The following LAMA2 variants were observed in gnomAD, a reference collection of about 807,000 sequenced individuals.
LAMA2 encodes laminin subunit alpha 2.
A neutral mutation model predicts 364.8 loss-of-function variants in LAMA2; 269 were observed. The observed-to-expected ratio is 0.74, with a 90% CI of 0.67 to 0.82. LAMA2 has a LOEUF of 0.82. Among genes scored for constraint, LAMA2 ranks in the 40% least tolerant of loss-of-function variants. LAMA2 has a pLI of 0.00. For missense variants in LAMA2, 3,807 were observed against 3,873.2 expected (o/e 0.98, Z 0.45); for synonymous variants, 1,379 against 1,370.6 (o/e 1.01, Z -0.14).
In LAMA2 at chr6:129,071,068, G is replaced by A. The variant is rs78129233; in HGVS notation, c.396+11172G>A. On this transcript the variant is annotated intron_variant, in intron 3 of 64. Transcript: ENST00000421865. The stretch of plus-strand genomic sequence containing the variant: ...CATTTGATCTAGGAGTTTTCTCTGT[G>A]CATGGGTTTTAGTCACAGATTCCAT... 8.1e-3 allele frequency among the ~76,000 whole-genome samples: 1,237 copies of A among 152,242 alleles called. 7 individuals carry two copies. Among genetic ancestry groups the A allele is most frequent in the Non-Finnish European group, 0.012 (788 of 68,020 alleles).
At chr6:129,364,166 G>A (rs1177371032) in intron 32 of LAMA2, among the ~76,000 whole-genome samples, 1 of 152,144 alleles carries the variant, frequency 6.6e-6, no homozygotes, top group African/African-American at 2.4e-5. Flanking sequence ...CCCTGCCAGG[G>A]CAGTTTAATC....
At chr6:129,157,560 A>G (rs1779186528) in intron 8 of LAMA2, 1 of 1,612,648 alleles carries the variant, frequency 6.2e-7, no homozygotes, top group Non-Finnish European at 8.5e-7. Flanking sequence ...CATCTTGGCA[A>G]GCGTCTTCTT....
At chr6:129,171,339 T>C (rs1485908646) in intron 9 of LAMA2, among the ~76,000 whole-genome samples, 1 of 152,234 alleles carries the variant, frequency 6.6e-6, no homozygotes, top group Non-Finnish European at 1.5e-5. Flanking sequence ...TGTTTAGTGC[T>C]TCCTTCAGGA....
rs151009169 is a variant in LAMA2, at chr6:129,438,679, G to A, written c.6002G>A (p.Arg2001Lys). The part of the protein sequence containing the change: ...NEDHLNGLKT[R>K]IENADARNGD... ...GACCATCTAAATGGCTTAAAAACCAGGATAGAAAATGCTGATGCTAGAAAT... is the reference window on the plus strand; with the variant it reads ...GACCATCTAAATGGCTTAAAAACCAAGATAGAAAATGCTGATGCTAGAAAT... The change falls in exon 42 of 65, where the codon AGG (arginine) becomes AAG (lysine). Residue 2001 changes from arginine to lysine, a missense_variant. Physicochemically the swap from Arg to Lys is conservative, Grantham distance 26. Transcript: ENST00000421865. The A allele has an allele frequency of 1.3e-4, 202 of 1,608,142 alleles. 1 individual carries two copies. The East Asian group carries it at 2.6e-3, about 21-fold the overall frequency.
At chr6:129,353,732 A>C (rs1776997863) in intron 32 of LAMA2, among the ~76,000 whole-genome samples, 1 of 152,154 alleles carries the variant, frequency 6.6e-6, no homozygotes, top group African/African-American at 2.4e-5. Flanking sequence ...AATCCTCCTG[A>C]ATTTGTAATC....
chr6:129,028,528 A>T (rs1785995814), intron 1 of LAMA2, among the ~76,000 whole-genome samples: 1 of 151,884 alleles, frequency 6.6e-6, no homozygotes, highest in African/African-American at 2.4e-5. Context: ...CAAAGACAAA[A>T]TATATATCTC....
At chr6:128,931,500 G>A (rs1779475009) in intron 1 of LAMA2, among the ~76,000 whole-genome samples, 1 of 152,062 alleles carries the variant, frequency 6.6e-6, no homozygotes, top group Non-Finnish European at 1.5e-5. Context: ...AAATCACAAC[G>A]AGGCAAATGT....
chr6:129,481,515 G>T (rs1784347745), intron 55 of LAMA2, 76 bp downstream of exon 55: 15 of 1,219,118 alleles, frequency 1.2e-5, no homozygotes, highest in Non-Finnish European at 1.7e-5. Context: ...TGTATTTTTA[G>T]TTTCGTATCA....
At chr6:129,445,219 C>T (rs574642738) in intron 44 of LAMA2, among the ~76,000 whole-genome samples, 81 of 152,106 alleles carry the variant, frequency 5.3e-4, no homozygotes, top group African/African-American at 1.7e-3. Flanking sequence ...CAAAAAAAGA[C>T]GGTGAGAAAA....
At chr6:129,460,441 AC>A in intron 49 of LAMA2, 117 bp downstream of exon 49, 1 of 1,077,396 alleles carries the variant, frequency 9.3e-7, no homozygotes, top group Non-Finnish European at 1.4e-6. Flanking sequence ...AAAGGATTAT[AC>A]TCAGAGGTGG....
At chr6:129,233,716 G>A (rs1455465606) in intron 12 of LAMA2, among the ~76,000 whole-genome samples, 1 of 152,126 alleles carries the variant, frequency 6.6e-6, no homozygotes, top group Non-Finnish European at 1.5e-5. Context: ...AACCTGTGTT[G>A]TTCAGGTGTC....
intron 12 of LAMA2, among the ~76,000 whole-genome samples, chr6:129,225,705 G>A (rs1216917491): frequency 6.6e-6 from 1 of 152,160 alleles, no homozygotes; most frequent in African/African-American, 2.4e-5. Context: ...GAGACAGTTT[G>A]TTATAATTTC....
chr6:129,206,355 A>G (rs1005328728), intron 12 of LAMA2, among the ~76,000 whole-genome samples: 3 of 152,208 alleles, frequency 2.0e-5, no homozygotes, highest in African/African-American at 7.2e-5. Flanking sequence ...ACTCAAGAAC[A>G]GATATTGTCA....
chr6:128,932,231 G>A (rs1779528878), intron 1 of LAMA2, among the ~76,000 whole-genome samples: 1 of 152,142 alleles, frequency 6.6e-6, no homozygotes, highest in Non-Finnish European at 1.5e-5. Flanking sequence ...ATTCTCACAA[G>A]TGGAGCTCTG....
intron 1 of LAMA2, among the ~76,000 whole-genome samples, chr6:129,011,714 C>T (rs1784780612): frequency 6.6e-6 from 1 of 152,158 alleles, no homozygotes; most frequent in Non-Finnish European, 1.5e-5. Flanking sequence ...GTACTGTTTA[C>T]TCCGGACTTT....
In LAMA2 at chr6:129,291,623, G is replaced by A. The variant is rs745890735; in HGVS notation, c.2759G>A (p.Cys920Tyr). 6.2e-7 allele frequency: 1 copy of A among 1,613,756 alleles called. No individual in the cohort carries two copies. The highest frequency in any genetic ancestry group is 8.5e-7 in the Non-Finnish European group (1 of 1,179,626). The change falls in exon 20 of 65, where the codon TGT (cysteine) becomes TAT (tyrosine). Residue 920 changes from cysteine to tyrosine, a missense_variant. Transcript: ENST00000421865. Reference protein sequence around the residue: ...VDAKNCQPCRCNAGGSFSEVC... With the variant: ...VDAKNCQPCRYNAGGSFSEVC... ...TCTCTTCTCTTTGCAGCCTGTCGCT[G>A]TAATGCCGGTGGCTCTTTCTCTGAG... is the stretch of plus-strand genomic sequence containing the variant.
intron 8 of LAMA2, among the ~76,000 whole-genome samples, chr6:129,164,484 G>C (rs1446117386): frequency 6.6e-6 from 1 of 152,184 alleles, no homozygotes; most frequent in Non-Finnish European, 1.5e-5. Flanking sequence ...ATACAATGCA[G>C]ACACTGGTTT....
rs1554297406 is a variant in LAMA2, at chr6:129,439,825, C to CACAT, written c.6086-990_6086-989insCATA. ...GCTTCATTTGCTTGCATCAATTGGTCATATATATATATATATATATATATC... is the reference window on the plus strand; with the variant it reads ...GCTTCATTTGCTTGCATCAATTGGTCACATATATATATATATATATATATATATC... On this transcript the variant is annotated intron_variant, in intron 42 of 64. Transcript: ENST00000421865. Among the ~76,000 whole-genome samples, 57 of 123,696 alleles carry CACAT rather than the reference C, an allele frequency of 4.6e-4. No homozygotes were observed. In the East Asian group the frequency reaches 0.012, roughly 26 times the overall value. The allele number at this position is 123,696 out of a possible 152,430, so 81.1% of individuals were successfully genotyped here. A position where few individuals can be genotyped will look rare whatever the true frequency, so the allele number is the denominator to read the frequency against.
chr6:129,335,498 TCAAA>T (rs1460024878), intron 29 of LAMA2, among the ~76,000 whole-genome samples: 2 of 152,098 alleles, frequency 1.3e-5, no homozygotes, highest in East Asian at 1.9e-4. Flanking sequence ...CTTAGCTAGC[TCAAA>T]CAACTTTTTA....
Sources: allele counts gnomAD v4.1 joint callset (sites outside exome capture counted in the v4.1 genomes callset), GRCh38; gene constraint gnomAD v4.1.1; transcripts MANE v1.5; gene names NCBI Gene and HGNC (gene_info 2026-07-23, HGNC 2026-07-21).